The following ZNF507 variants were observed in gnomAD, a reference collection of about 807,000 sequenced individuals.
ZNF507 encodes zinc finger protein 507.
Under a neutral mutation model 80.0 loss-of-function variants are expected in ZNF507, and 29 were observed. The ratio of observed to expected loss-of-function variants is 0.36; its 90% CI spans 0.27 to 0.49. The LOEUF is 0.49. Ranked by LOEUF, ZNF507 falls within the 20% of genes least tolerant of loss-of-function variation. The pLI is 0.98. For missense variants in ZNF507, 1,081 were observed against 1,152.2 expected, an observed-to-expected ratio of 0.94 and a Z score of 0.90; for synonymous variants, 462 against 422.5, an observed-to-expected ratio of 1.09 and a Z score of -1.15.
chr19:32,376,265 C>T (rs886551773), intron 5 of ZNF507, among the ~76,000 whole-genome samples: 7 of 151,812 alleles, frequency 4.6e-5, no homozygotes, highest in Non-Finnish European at 7.4e-5. Context: ...TTTTTATTTT[C>T]TTTTTTTTCC....
At chr19:32,377,992 C>A (rs922794551) in intron 5 of ZNF507, among the ~76,000 whole-genome samples, 1 of 152,098 alleles carries the variant, frequency 6.6e-6, no homozygotes, top group African/African-American at 2.4e-5. Context: ...AGCAGACAGC[C>A]CCAACCTGAG....
intron 4 of ZNF507, 35 bp downstream of exon 4, chr19:32,356,768 C>T: frequency 6.5e-7 from 1 of 1,530,578 alleles, no homozygotes; most frequent in Non-Finnish European, 9.1e-7. Context: ...GCTGCAGTGA[C>T]TTGCACATGA....
intron 2 of ZNF507, among the ~76,000 whole-genome samples, chr19:32,348,187 C>T (rs7260314): frequency 0.23 from 34,948 of 151,954 alleles, 4,894 homozygotes; most frequent in East Asian, 0.45. Context: ...GGGGAGGGAC[C>T]CTTGAGCTTA....
intron 5 of ZNF507, among the ~76,000 whole-genome samples, chr19:32,363,616 A>G (rs536371021): frequency 2.6e-4 from 39 of 152,296 alleles, no homozygotes; most frequent in African/African-American, 9.4e-4. Flanking sequence ...GAATGAGGAT[A>G]TTAAGGTTGT....
At chr19:32,359,990 A>G (rs553012972) in intron 4 of ZNF507, among the ~76,000 whole-genome samples, 52 of 152,286 alleles carry the variant, frequency 3.4e-4, no homozygotes, top group Admixed American at 2.3e-3. Flanking sequence ...AGCCTCCCAG[A>G]GTACTAGGAT....
At chr19:32,369,604 C>T (rs765565148) in intron 5 of ZNF507, among the ~76,000 whole-genome samples, 1 of 151,790 alleles carries the variant, frequency 6.6e-6, no homozygotes, top group African/African-American at 2.4e-5. Flanking sequence ...TAGACATAGC[C>T]TCTGTTTCAA....
At chr19:32,348,798 C>A (rs1051367292) in intron 2 of ZNF507, among the ~76,000 whole-genome samples, 2 of 152,254 alleles carry the variant, frequency 1.3e-5, no homozygotes, top group African/African-American at 4.8e-5. Flanking sequence ...GGTGAACTTT[C>A]CTATTCAGCC....
In ZNF507 at chr19:32,356,483, T is replaced by C. The variant is rs530556845; in HGVS notation, c.2128-133T>C. On this transcript the variant is annotated intron_variant, in intron 3 of 6. Transcript: ENST00000355898. ...TTGTCAAATGTGTCAAATGATCCTT[T>C]AGCAGACTTGATTTTAAAATATGGT... is the stretch of plus-strand genomic sequence containing the variant. The C allele has an allele frequency of 3.2e-5, 20 of 622,118 alleles. 2 individuals carry two copies. In the South Asian group the frequency reaches 4.1e-4, roughly 13 times the overall value. 38.5% of individuals were successfully genotyped at this position (622,118 alleles called of 1,614,324 possible).
Position 32,356,637 on chromosome 19 carries a change from A to C in ZNF507, c.2149A>C (p.Arg717=), listed in dbSNP as rs1386859463. Residue 717 remains arginine, a synonymous_variant, in exon 4 of 7, where the codon AGA becomes CGA. Transcript: ENST00000355898. ...TTAGAGTCAATTGAGGAACCATGAG[A>C]GAGAACAGCACAGTCTTCCAGATAC... The part of the protein sequence containing the change: ...HYKSQLRNHE[R]EQHSLPDTLS... 1 of 1,613,882 alleles carries C rather than the reference A, an allele frequency of 6.2e-7. No individual in the cohort carries two copies. Among genetic ancestry groups the C allele is most frequent in the Non-Finnish European group, 8.5e-7 (1 of 1,179,928 alleles).
At chr19:32,355,343 T>G (rs1255486771) in intron 3 of ZNF507, among the ~76,000 whole-genome samples, 1 of 152,148 alleles carries the variant, frequency 6.6e-6, no homozygotes, top group African/African-American at 2.4e-5. Context: ...AATACATATT[T>G]TTCATCTTAT....
chr19:32,353,224 T>C lies in ZNF507; in HGVS notation c.394T>C (p.Phe132Leu), dbSNP rs1384230409. 1 of 1,614,198 alleles carries C rather than the reference T, an allele frequency of 6.2e-7. No homozygotes were observed. Among genetic ancestry groups the C allele is most frequent in the South Asian group, 1.1e-5 (1 of 91,086 alleles). Residue 132 changes from phenylalanine to leucine, a missense_variant, in exon 3 of 7, where the codon TTT (phenylalanine) becomes CTT (leucine). Around this residue, in one of 6 missense-constraint regions of ZNF507, gnomAD observed 275 missense variants for 303.9 expected, o/e 0.90. Transcript: ENST00000355898. ...GTCTTATCAGTGTAGCCTTTGTAAG[T>C]TTCTATCATCATCCTTTTCCGTGTT... ...AMSYQCSLCK[F>L]LSSSFSVLKD... is the part of the protein sequence containing the mutation.
chr19:32,380,589 T>G (rs942649163), intron 5 of ZNF507: 3 of 1,535,282 alleles, frequency 2.0e-6, no homozygotes, highest in Admixed American at 3.9e-5. Flanking sequence ...TATTGCTGAC[T>G]GTGTCTCTTA....
At chr19:32,346,112 T>A (rs1967094473) in intron 1 of ZNF507, among the ~76,000 whole-genome samples, 1 of 152,248 alleles carries the variant, frequency 6.6e-6, no homozygotes, top group Non-Finnish European at 1.5e-5. Flanking sequence ...CCAGCCGGGA[T>A]GGACCCAGCC....
intron 5 of ZNF507, among the ~76,000 whole-genome samples, chr19:32,367,605 G>T (rs995092422): frequency 3.3e-5 from 5 of 152,058 alleles, no homozygotes; most frequent in Non-Finnish European, 7.4e-5. Context: ...TTGATTTTTT[G>T]AAATAGTCTG....
chr19:32,377,946 A>G (rs565203183), intron 5 of ZNF507, among the ~76,000 whole-genome samples: 1 of 152,272 alleles, frequency 6.6e-6, no homozygotes, highest in African/African-American at 2.4e-5. Context: ...CTTTCTCCCA[A>G]GAACCCATCA....
intron 5 of ZNF507, chr19:32,380,584 C>T (rs911212283): frequency 6.5e-6 from 10 of 1,534,978 alleles, no homozygotes; most frequent in African/African-American, 5.5e-5. Context: ...CTCGTTATTG[C>T]TGACTGTGTC....
At chr19:32,377,956 A>C (rs139905548) in intron 5 of ZNF507, among the ~76,000 whole-genome samples, 2 of 152,240 alleles carry the variant, frequency 1.3e-5, no homozygotes, top group East Asian at 1.9e-4. Context: ...AGAACCCATC[A>C]GCTCAGTCTA....
rs113433395 is a variant in ZNF507 at position 32,354,392 on chromosome 19, T to C, written c.1562T>C (p.Ile521Thr). The C allele has an allele frequency of 2.4e-5, 39 of 1,613,980 alleles. No individual in the cohort carries two copies. Among genetic ancestry groups the C allele is most frequent in the Middle Eastern group, 1.6e-4 (1 of 6,082 alleles). ...TRANLGHYGD[I>T]NLLDPDTSQR... ...GCCAACCTGGGGCACTATGGAGATATAAACCTTTTAGATCCAGATACTAGT... is the reference window on the plus strand; with the variant it reads ...GCCAACCTGGGGCACTATGGAGATACAAACCTTTTAGATCCAGATACTAGT... The change falls in exon 3 of 7, where the codon ATA becomes ACA. Residue 521 changes from isoleucine (I) to threonine (T), a missense_variant. Around this residue, in one of 6 missense-constraint regions of ZNF507, gnomAD observed 614 missense variants for 583.9 expected, o/e 1.05. Transcript: ENST00000355898.
chr19:32,377,709 C>A (rs1403995852), intron 5 of ZNF507, among the ~76,000 whole-genome samples: 1 of 152,116 alleles, frequency 6.6e-6, no homozygotes, highest in Admixed American at 6.6e-5. Flanking sequence ...CAAAAGAATT[C>A]CATGTAATTG....
Sources: allele counts gnomAD v4.1 joint callset (sites outside exome capture counted in the v4.1 genomes callset), GRCh38; gene constraint gnomAD v4.1.1; regional missense constraint gnomAD v4.1.1; transcripts MANE v1.5; gene names NCBI Gene and HGNC (gene_info 2026-07-23, HGNC 2026-07-21).